AQR: variants seen among roughly 807,000 people sequenced by gnomAD.
AQR encodes the protein aquarius intron-binding spliceosomal factor.
A neutral mutation model predicts 180.5 loss-of-function variants in AQR; 61 were observed. That is an observed-to-expected ratio of 0.34 (90% CI 0.28 to 0.42). The LOEUF (loss-of-function observed/expected upper bound fraction) is 0.42, where lower values mean the gene tolerates loss of function less well. Among genes scored for constraint, AQR ranks in the 10% least tolerant of loss-of-function variants. The pLI is 1.00. For missense variants in AQR, 1,281 were observed against 1,798.3 expected, an observed-to-expected ratio of 0.71 and a Z score of 5.20; for synonymous variants, 551 against 588.8, an observed-to-expected ratio of 0.94 and a Z score of 0.93.
intron 33 of AQR, 80 bp downstream of exon 33, chr15:34,862,787 G>T: frequency 7.0e-7 from 1 of 1,431,188 alleles, no homozygotes. Flanking sequence ...AATGTTCCAA[G>T]CTAATGTGGT....
chr15:34,922,255 T>C lies in AQR; in HGVS notation c.1119-1821A>G, dbSNP rs185930736. Reference sequence around the variant, plus strand: ...TTCATGATACGGCTGTATCACAGTATGTTTATTCATTCAACAGTTGTGGGA... The same window carrying C: ...TTCATGATACGGCTGTATCACAGTACGTTTATTCATTCAACAGTTGTGGGA... On this transcript the variant is annotated intron_variant, in intron 13 of 34. Coordinates refer to ENST00000156471, the MANE Select transcript of AQR (RefSeq NM_014691.3). Among the ~76,000 whole-genome samples, 32 of 152,374 alleles carry C rather than the reference T, an allele frequency of 2.1e-4. No homozygotes were observed. In the East Asian group the frequency reaches 5.8e-3, roughly 28 times the overall value.
chr15:34,951,743 C>T (rs1894237000), intron 4 of AQR, among the ~76,000 whole-genome samples: 1 of 151,668 alleles, frequency 6.6e-6, no homozygotes, highest in African/African-American at 2.4e-5. Flanking sequence ...TCAGTTCCTG[C>T]CATTCTCTTG....
chr15:34,954,657 A>G (rs1457072376), intron 3 of AQR, among the ~76,000 whole-genome samples: 2 of 152,142 alleles, frequency 1.3e-5, no homozygotes, highest in African/African-American at 4.8e-5. Flanking sequence ...AGTCTGAAAA[A>G]CATTCAATTC....
intron 21 of AQR, among the ~76,000 whole-genome samples, 198 bp downstream of exon 21, chr15:34,897,361 T>A (rs1248904165): frequency 6.6e-6 from 1 of 152,198 alleles, no homozygotes; most frequent in African/African-American, 2.4e-5. Flanking sequence ...TGAAAATGTT[T>A]CTTTTTGAAA....
intron 28 of AQR, among the ~76,000 whole-genome samples, chr15:34,875,175 G>C (rs575248367): frequency 6.6e-6 from 1 of 152,074 alleles, no homozygotes; most frequent in Non-Finnish European, 1.5e-5. Context: ...ATTAGGTAAC[G>C]AGCACACAGA....
intron 27 of AQR, among the ~76,000 whole-genome samples, chr15:34,877,613 G>A (rs1306434101): frequency 6.6e-6 from 1 of 152,136 alleles, no homozygotes; most frequent in Admixed American, 6.5e-5. Flanking sequence ...AACTCAAAAG[G>A]AGATAGCTTA....
intron 15 of AQR, among the ~76,000 whole-genome samples, chr15:34,916,979 C>A (rs993860332): frequency 4.6e-5 from 7 of 151,978 alleles, no homozygotes; most frequent in East Asian, 1.9e-4. Flanking sequence ...TTGTAACCAC[C>A]TTGTCAGCTA....
chr15:34,924,793 A>G (rs1271823726), intron 13 of AQR, among the ~76,000 whole-genome samples: 1 of 152,122 alleles, frequency 6.6e-6, no homozygotes, highest in African/African-American at 2.4e-5. Flanking sequence ...TATTTCTACT[A>G]TAGTGAATAT....
intron 6 of AQR, chr15:34,943,073 C>A (rs564981622): frequency 1.2e-6 from 2 of 1,610,888 alleles, no homozygotes; most frequent in Non-Finnish European, 1.7e-6. Flanking sequence ...ATAACGCTCA[C>A]GCAAGCATGG....
chr15:34,889,536 T>C (rs962613650), intron 24 of AQR, among the ~76,000 whole-genome samples: 2 of 152,180 alleles, frequency 1.3e-5, no homozygotes, highest in African/African-American at 2.4e-5. Context: ...AAAATACTAA[T>C]GGCAGAAGAA....
At chr15:34,931,494 A>G (rs1405535256) in intron 11 of AQR, among the ~76,000 whole-genome samples, 7 of 152,208 alleles carry the variant, frequency 4.6e-5, no homozygotes, top group Non-Finnish European at 1.0e-4. Context: ...ATTGAAAGAT[A>G]GCATTAGAAG....
At chr15:34,949,794 TAAAA>T (rs755539183) in intron 4 of AQR, among the ~76,000 whole-genome samples, 1 of 114,144 alleles carries the variant, frequency 8.8e-6, no homozygotes, top group Non-Finnish European at 1.9e-5. Flanking sequence ...TTATCTCTAT[TAAAA>T]AAAAAAAAAA....
chr15:34,880,671 C>A (rs1412361308), intron 27 of AQR, among the ~76,000 whole-genome samples: 1 of 152,072 alleles, frequency 6.6e-6, no homozygotes, highest in Non-Finnish European at 1.5e-5. Flanking sequence ...CCAAAGTGAG[C>A]AAACCAAAGT....
At chr15:34,886,802 G>T (rs1274796608) in intron 24 of AQR, 141 bp from the exon 25 acceptor site, 3 of 880,604 alleles carry the variant, frequency 3.4e-6, no homozygotes, top group Non-Finnish European at 5.0e-6. Context: ...ACTATTGGTG[G>T]TAGTTCTTGG....
intron 9 of AQR, among the ~76,000 whole-genome samples, chr15:34,936,197 T>G (rs957992649): frequency 1.1e-4 from 16 of 152,354 alleles, no homozygotes; most frequent in South Asian, 2.1e-4. Flanking sequence ...CAGACTATCC[T>G]GCACAGATTT....
At chr15:34,857,504 C>T (rs558417722) in intron 34 of AQR, among the ~76,000 whole-genome samples, 1 of 152,032 alleles carries the variant, frequency 6.6e-6, no homozygotes, top group Non-Finnish European at 1.5e-5. Context: ...ATTCCCGGCA[C>T]TTTGGGAGGC....
At chr15:34,914,805 T>C (rs1014356411) in intron 16 of AQR, among the ~76,000 whole-genome samples, 3 of 152,164 alleles carry the variant, frequency 2.0e-5, no homozygotes, top group Non-Finnish European at 4.4e-5. Context: ...TCTTCTCCCT[T>C]ATCCCCAGTC....
chr15:34,959,931 A>T (rs2050264904), intron 3 of AQR, among the ~76,000 whole-genome samples: 1 of 152,228 alleles, frequency 6.6e-6, no homozygotes, highest in Admixed American at 6.5e-5. Flanking sequence ...ACTTGGGGCC[A>T]GCAGTTTGAG....
chr15:34,886,761 A>G (rs1893065223), intron 24 of AQR, 100 bp from the exon 25 acceptor site: 3 of 1,199,484 alleles, frequency 2.5e-6, no homozygotes, highest in Non-Finnish European at 3.5e-6. Flanking sequence ...AAAGAAGAGG[A>G]AAAAAAACTA....
Sources: gnomAD v4.1 joint callset for allele counts (sites outside exome capture counted in the v4.1 genomes callset) on GRCh38, gnomAD v4.1.1 for gene constraint, MANE v1.5 for transcripts, NCBI Gene and HGNC (gene_info 2026-07-23, HGNC 2026-07-21) for gene names.